Variants in ZNF44 observed in about 807,000 individuals in gnomAD.
ZNF44 encodes zinc finger protein 44.
In ZNF44, 9 loss-of-function variants were observed where a neutral mutation model predicts 11.7. The observed-to-expected ratio is 0.77, with a 90% CI of 0.46 to 1.35. The LOEUF (loss-of-function observed/expected upper bound fraction) is 1.35. ZNF44 is among the 40% of genes most tolerant of loss of function. The pLI, the probability that ZNF44 is intolerant of heterozygous loss-of-function variation, is 0.00. For missense variants in ZNF44, 696 were observed against 743.1 expected, an observed-to-expected ratio of 0.94 and a Z score of 0.74; for synonymous variants, 224 against 242.7, an observed-to-expected ratio of 0.92 and a Z score of 0.72.
chr19:12,257,121 A>T (rs993040159), intron 5 of ZNF44, among the ~76,000 whole-genome samples: 1 of 152,306 alleles, frequency 6.6e-6, no homozygotes, highest in East Asian at 1.9e-4. Flanking sequence ...CTGAATAGAA[A>T]CCAGATAAAG....
intron 5 of ZNF44, chr19:12,260,260 A>T: frequency 1.2e-6 from 1 of 824,914 alleles, no homozygotes; most frequent in Non-Finnish European, 2.1e-6. Context: ...CTGATTCACC[A>T]CAAGACTGTG....
intron 3 of ZNF44, among the ~76,000 whole-genome samples, chr19:12,227,621 A>G (rs1915975059): frequency 6.6e-6 from 1 of 152,364 alleles, no homozygotes; most frequent in Non-Finnish European, 1.5e-5. Context: ...AAAAAGTTTT[A>G]GAATAGCCAT....
chr19:12,231,487 C>T (rs1916162963), intron 2 of ZNF44, among the ~76,000 whole-genome samples: 1 of 152,216 alleles, frequency 6.6e-6, no homozygotes, highest in Admixed American at 6.5e-5. Flanking sequence ...AGCTGTGAAA[C>T]ACATAGCTCC....
exon 8 of ZNF44, chr19:12,248,061 G>T (rs1330922351): frequency 1.5e-6 from 2 of 1,331,564 alleles, no homozygotes. Flanking sequence ...TCTTTCATGT[G>T]CTTGAAAACC....
intron 3 of ZNF44, among the ~76,000 whole-genome samples, chr19:12,227,958 A>ATAAGGTAAGATTTTTAT (rs1337017825): frequency 6.6e-6 from 1 of 152,212 alleles, no homozygotes; most frequent in Non-Finnish European, 1.5e-5. Context: ...ATGTTTGACC[A>ATAAGGTAAGATTTTTAT]TAAGGTAAGA....
At position 12,273,454 on chromosome 19, in the gene ZNF44, T is replaced by C. The variant is rs61737486; in HGVS notation, c.801A>G (p.Ser267=). The part of the protein sequence containing the change: ...QCSKAFPDYS[S]YLRHERTHTG... ...TGTGAGTTCTTTCATGTCTTAGATA[T>C]GAACTGTAATCAGGGAAGGCTTTAG... Residue 267 remains serine (S), a synonymous_variant, in exon 4 of 4, where the codon TCA becomes TCG. Coordinates refer to ENST00000355684, the MANE Select transcript of ZNF44 (RefSeq NM_016264.4). 1,236 of 1,614,138 alleles carry C rather than the reference T, an allele frequency of 7.7e-4. 6 individuals carry two copies. In the African/African-American group the frequency reaches 0.014, roughly 18 times the overall value.
downstream of ZNF44, among the ~76,000 whole-genome samples, chr19:12,271,073 C>A (rs2438533): frequency 0.21 from 32,535 of 151,946 alleles, 4,672 homozygotes; most frequent in African/African-American, 0.41. Flanking sequence ...GATGATGCTG[C>A]TGATGATGCA....
chr19:12,265,217 G>A (rs1363530035), intron 5 of ZNF44, among the ~76,000 whole-genome samples: 1 of 151,938 alleles, frequency 6.6e-6, no homozygotes, highest in East Asian at 1.9e-4. Flanking sequence ...ACCAGCCTGG[G>A]CAACATAAAG....
At chr19:12,225,197 G>T (rs541424466), downstream of ZNF44, 303 of 152,512 alleles carry the variant, frequency 2.0e-3, 1 homozygote, top group Middle Eastern at 0.01. Flanking sequence ...TCTGGTATCG[G>T]GTTGGTAGGA....
At chr19:12,265,938 G>A (rs1473522948) in intron 5 of ZNF44, among the ~76,000 whole-genome samples, 2 of 152,176 alleles carry the variant, frequency 1.3e-5, no homozygotes, top group African/African-American at 2.4e-5. Flanking sequence ...ACGTCGTTTC[G>A]CTAAAGTTGC....
At chr19:12,267,458 C>T (rs1176989869), downstream of ZNF44, among the ~76,000 whole-genome samples, 3 of 151,998 alleles carry the variant, frequency 2.0e-5, no homozygotes, top group Non-Finnish European at 4.4e-5. Flanking sequence ...GGAATAAAAA[C>T]GGAAGAAAAG....
At chr19:12,226,717 C>A (rs746308774) in intron 3 of ZNF44, among the ~76,000 whole-genome samples, 3 of 152,284 alleles carry the variant, frequency 2.0e-5, no homozygotes, top group South Asian at 4.1e-4. Flanking sequence ...AGAAAAGATT[C>A]TTGGACTTTG....
upstream of ZNF44, among the ~76,000 whole-genome samples, chr19:12,238,524 A>G (rs1053152743): frequency 1.3e-5 from 2 of 148,592 alleles, no homozygotes; most frequent in Non-Finnish European, 3.0e-5. Context: ...GCAGCTCGGG[A>G]GGTTGAGGCA....
Position 12,264,998 on chromosome 19 carries a change from AG to A in ZNF44, c.1912+7488del, listed in dbSNP as rs538894632. Among the ~76,000 whole-genome samples the A allele has an allele frequency of 1.8e-4, 28 of 152,022 alleles. No individual in the cohort carries two copies. The South Asian group carries it at 5.2e-3, about 28-fold the overall frequency. ...CAGGCATGAGTCACTGTGCCCAGCC[AG>A]AAGTGGTTTTCTAAACAATCATATT... On this transcript the variant is annotated intron_variant and NMD_transcript_variant, in intron 5 of 7. Transcript: ENST00000393337.
chr19:12,247,271 T>A, downstream of ZNF44: 2 of 1,204,826 alleles, frequency 1.7e-6, no homozygotes, highest in Non-Finnish European at 2.1e-6. Flanking sequence ...TTTACATTTA[T>A]AGTTTCTATT....
chr19:12,266,453 C>A lies in ZNF44; in HGVS notation c.1912+6034G>T, dbSNP rs539118345. 19 of 493,658 alleles carry A rather than the reference C, an allele frequency of 3.8e-5. No homozygotes were observed. The South Asian group carries it at 1.5e-3, about 38-fold the overall frequency. 30.6% of individuals were successfully genotyped at this position (493,658 alleles called of 1,614,324 possible). ...CCCAAACCCACGGGCTTTAGCGCGT[C>A]GCCCCGCCTGCTGCCCTACAGCACG... On this transcript the variant is annotated intron_variant and NMD_transcript_variant, in intron 5 of 7. Coordinates refer to the ZNF44 transcript ENST00000393337.
At chr19:12,266,104 G>C (rs1443533735) in intron 5 of ZNF44, among the ~76,000 whole-genome samples, 1 of 152,142 alleles carries the variant, frequency 6.6e-6, no homozygotes, top group Non-Finnish European at 1.5e-5. Flanking sequence ...GGTCCCGACT[G>C]CCGGCCGGAC....
chr19:12,251,187 T>C (rs1916976507), intron 5 of ZNF44, among the ~76,000 whole-genome samples: 1 of 151,852 alleles, frequency 6.6e-6, no homozygotes, highest in African/African-American at 2.4e-5. Flanking sequence ...CAAAATTAGC[T>C]GGGTGTGGTG....
rs201845011 is a variant in ZNF44 at position 12,272,674 on chromosome 19, C to A, written c.1581G>T (p.Thr527=). The change falls in exon 4 of 4, where the codon ACG becomes ACT. Residue 527 remains threonine (T), a synonymous_variant. Transcript: ENST00000355684. ...SYLKTHERTH[T]AEKPYECKQC... is the part of the protein sequence containing the mutation. ...GCTTACATTCATATGGCTTCTCTGC[C>A]GTGTGAGTCCTTTCATGAGTTTTTA... The A allele has an allele frequency of 6.2e-7, 1 of 1,613,464 alleles. No individual in the cohort carries two copies. Among genetic ancestry groups the A allele is most frequent in the Admixed American group, 1.7e-5 (1 of 59,938 alleles).
Sources: gnomAD v4.1 joint callset for allele counts (sites outside exome capture counted in the v4.1 genomes callset) on GRCh38, gnomAD v4.1.1 for gene constraint, MANE v1.5 for transcripts, NCBI Gene and HGNC (gene_info 2026-07-23, HGNC 2026-07-21) for gene names.